Variants in OSBPL8 observed in about 807,000 individuals in gnomAD.
OSBPL8 encodes the protein oxysterol binding protein like 8, also known as oxysterol-binding protein-related protein 8.
A neutral mutation model predicts 125.5 loss-of-function variants in OSBPL8; 59 were observed. The ratio of observed to expected loss-of-function variants is 0.47; its 90% CI spans 0.38 to 0.58. The LOEUF (loss-of-function observed/expected upper bound fraction) is 0.58, where lower values mean the gene tolerates loss of function less well. Among genes scored for constraint, OSBPL8 ranks in the 20% least tolerant of loss-of-function variants. OSBPL8 has a pLI of 0.00. For synonymous variants in OSBPL8, 330 were observed against 338.9 expected (o/e 0.97, Z 0.29); for missense variants, 758 against 1,047.8 (o/e 0.72, Z 3.82).
intron 2 of OSBPL8, among the ~76,000 whole-genome samples, chr12:76,466,037 C>T (rs1875390181): frequency 6.6e-6 from 1 of 151,914 alleles, no homozygotes; most frequent in Non-Finnish European, 1.5e-5. Flanking sequence ...TTTCCACCTA[C>T]TAAAAAAATC....
At chr12:76,391,225 CA>C (rs1257389991) in intron 10 of OSBPL8, among the ~76,000 whole-genome samples, 1 of 151,980 alleles carries the variant, frequency 6.6e-6, no homozygotes, top group African/African-American at 2.4e-5. Context: ...AATCCTGAGC[CA>C]AAATCCAGAG....
At chr12:76,542,843 C>T (rs763631127) in intron 1 of OSBPL8, among the ~76,000 whole-genome samples, 1 of 152,210 alleles carries the variant, frequency 6.6e-6, no homozygotes, top group African/African-American at 2.4e-5. Context: ...ACCTCCTATA[C>T]CACAATGTTA....
chr12:76,539,333 A>G (rs1950580861), intron 1 of OSBPL8, among the ~76,000 whole-genome samples: 1 of 152,312 alleles, frequency 6.6e-6, no homozygotes, highest in African/African-American at 2.4e-5. Context: ...TGTTTAAGCA[A>G]AAAGTCAAAA....
At chr12:76,498,507 G>A (rs1266093036) in intron 1 of OSBPL8, among the ~76,000 whole-genome samples, 1 of 152,148 alleles carries the variant, frequency 6.6e-6, no homozygotes, top group Non-Finnish European at 1.5e-5. Context: ...TACCTGTCCA[G>A]GTTGTGTAAG....
At chr12:76,445,301 T>C (rs1592695285) in intron 4 of OSBPL8, among the ~76,000 whole-genome samples, 2 of 152,172 alleles carry the variant, frequency 1.3e-5, no homozygotes, top group East Asian at 1.9e-4. Flanking sequence ...ACACAGAAAG[T>C]ATCCTTTGCA....
At chr12:76,367,243 T>C (rs1305504922) in intron 21 of OSBPL8, among the ~76,000 whole-genome samples, 1 of 151,922 alleles carries the variant, frequency 6.6e-6, no homozygotes, top group Non-Finnish European at 1.5e-5. Context: ...TGTGTGTGTG[T>C]GTGTGTGTGT....
intron 1 of OSBPL8, among the ~76,000 whole-genome samples, chr12:76,514,819 A>T (rs894818568): frequency 6.6e-6 from 1 of 152,038 alleles, no homozygotes; most frequent in African/African-American, 2.4e-5. Flanking sequence ...TCTTTACATA[A>T]TCCCATACTT....
At chr12:76,410,504 T>C (rs978176142) in intron 5 of OSBPL8, 60 bp downstream of exon 5, 6 of 1,233,528 alleles carry the variant, frequency 4.9e-6, no homozygotes, top group Non-Finnish European at 7.0e-6. Flanking sequence ...TCAGTGTTAG[T>C]TCCCTCATCT....
chr12:76,367,130 T>C (rs1357743177), intron 21 of OSBPL8, among the ~76,000 whole-genome samples: 2 of 152,182 alleles, frequency 1.3e-5, no homozygotes, highest in African/African-American at 4.8e-5. Context: ...CTACCCATTA[T>C]TAAAAGTAGT....
intron 4 of OSBPL8, among the ~76,000 whole-genome samples, chr12:76,444,060 C>A (rs964806683): frequency 3.9e-5 from 6 of 152,022 alleles, no homozygotes; most frequent in African/African-American, 1.4e-4. Context: ...GAGAGTCAGT[C>A]TCCCCAGCTC....
intron 2 of OSBPL8, among the ~76,000 whole-genome samples, chr12:76,463,920 C>T (rs1344949570): frequency 6.6e-6 from 1 of 152,098 alleles, no homozygotes; most frequent in African/African-American, 2.4e-5. Flanking sequence ...ACTTCTAGGA[C>T]CTGGGTCAAA....
intron 1 of OSBPL8, among the ~76,000 whole-genome samples, chr12:76,542,322 T>C (rs182027370): frequency 3.0e-4 from 45 of 152,364 alleles, no homozygotes; most frequent in Non-Finnish European, 8.8e-5. Context: ...CAGGGTTTCA[T>C]TCTAGTAGAG....
At chr12:76,481,639 T>G (rs560039810) in intron 2 of OSBPL8, among the ~76,000 whole-genome samples, 4 of 152,024 alleles carry the variant, frequency 2.6e-5, no homozygotes, top group African/African-American at 9.6e-5. Context: ...CTGCCAAAAA[T>G]TTAAAAATAA....
At chr12:76,413,549 T>C (rs781377142) in intron 4 of OSBPL8, among the ~76,000 whole-genome samples, 5 of 152,232 alleles carry the variant, frequency 3.3e-5, no homozygotes, top group Non-Finnish European at 7.3e-5. Flanking sequence ...ACAGAGCATG[T>C]GTAACTTAAA....
intron 21 of OSBPL8, among the ~76,000 whole-genome samples, chr12:76,363,809 C>T (rs1190658795): frequency 1.3e-5 from 2 of 151,918 alleles, no homozygotes; most frequent in Admixed American, 6.6e-5. Flanking sequence ...AACAAATTTA[C>T]GAGAAAAAAA....
chr12:76,443,442 G>C (rs1872416860), intron 4 of OSBPL8, among the ~76,000 whole-genome samples: 1 of 152,038 alleles, frequency 6.6e-6, no homozygotes. Flanking sequence ...GGCTCCTTTG[G>C]CATTGTCCTT....
intron 2 of OSBPL8, among the ~76,000 whole-genome samples, chr12:76,461,081 CA>C (rs1874665615): frequency 6.6e-6 from 1 of 152,126 alleles, no homozygotes; most frequent in African/African-American, 2.4e-5. Flanking sequence ...TCTGGTTTTA[CA>C]AACAAACTAA....
intron 3 of OSBPL8, 97 bp from the exon 4 acceptor site, chr12:76,451,085 T>G: frequency 7.8e-7 from 1 of 1,275,102 alleles, no homozygotes; most frequent in Non-Finnish European, 1.1e-6. Context: ...TGAAATGGCC[T>G]TGGTGGTTAT....
At chr12:76,523,288 T>G (rs1950073505) in intron 1 of OSBPL8, among the ~76,000 whole-genome samples, 1 of 152,242 alleles carries the variant, frequency 6.6e-6, no homozygotes, top group Non-Finnish European at 1.5e-5. Flanking sequence ...TTTACTGTTT[T>G]GTTCTTTCCA....
Sources: allele counts gnomAD v4.1 joint callset (sites outside exome capture counted in the v4.1 genomes callset), GRCh38; gene constraint gnomAD v4.1.1; transcripts MANE v1.5; gene names NCBI Gene and HGNC (gene_info 2026-07-23, HGNC 2026-07-21).